Variants in BBOX1 observed in about 807,000 individuals in gnomAD.
The protein encoded by BBOX1 is gamma-butyrobetaine hydroxylase 1, also known as gamma-butyrobetaine dioxygenase.
In BBOX1, 35 loss-of-function variants were observed where a neutral mutation model predicts 41.6. The observed-to-expected ratio is 0.84, with a 90% CI of 0.64 to 1.11. BBOX1 has a LOEUF of 1.11. Among genes scored for constraint, BBOX1 ranks in the 50% most tolerant of loss-of-function variants. The pLI is 0.00. For missense variants in BBOX1, 458 were observed against 460.6 expected (o/e 0.99, Z 0.05); for synonymous variants, 163 against 154.7 (o/e 1.05, Z -0.40).
chr11:27,093,956 A>T (rs550113700), intron 5 of BBOX1, among the ~76,000 whole-genome samples: 21 of 151,992 alleles, frequency 1.4e-4, no homozygotes, highest in Non-Finnish European at 3.1e-4. Context: ...GGTGAGATGA[A>T]AGACTGTGTT....
At chr11:27,065,883 G>A (rs984882711) in intron 4 of BBOX1, among the ~76,000 whole-genome samples, 4 of 152,036 alleles carry the variant, frequency 2.6e-5, no homozygotes, top group African/African-American at 9.7e-5. Flanking sequence ...CAATGTTAGT[G>A]CTAGACGGGA....
chr11:27,050,921 G>C (rs77348578), intron 2 of BBOX1, among the ~76,000 whole-genome samples: 3,168 of 152,122 alleles, frequency 0.021, 111 homozygotes, highest in African/African-American at 0.072. Flanking sequence ...CCCAATCTTA[G>C]AGGAAAAGCT....
intron 4 of BBOX1, among the ~76,000 whole-genome samples, chr11:27,070,270 G>A (rs982205624): frequency 2.0e-5 from 3 of 152,052 alleles, no homozygotes; most frequent in African/African-American, 7.2e-5. Context: ...TAAATATCAG[G>A]TCCATTTGTT....
intron 4 of BBOX1, among the ~76,000 whole-genome samples, chr11:27,070,036 A>G (rs987231752): frequency 1.3e-5 from 2 of 152,164 alleles, no homozygotes; most frequent in East Asian, 1.9e-4. Context: ...AAATCATTTA[A>G]GAGAAGATTG....
chr11:27,116,228 A>G (rs1269070038), intron 6 of BBOX1, among the ~76,000 whole-genome samples: 1 of 151,960 alleles, frequency 6.6e-6, no homozygotes, highest in Non-Finnish European at 1.5e-5. Context: ...GGAACAGAAA[A>G]TCAAACACCG....
At chr11:27,046,958 T>G (rs1201558407) in intron 2 of BBOX1, among the ~76,000 whole-genome samples, 1 of 152,064 alleles carries the variant, frequency 6.6e-6, no homozygotes, top group Non-Finnish European at 1.5e-5. Context: ...CCAGTAGACC[T>G]TTAAATAATC....
Position 27,055,665 on chromosome 11 carries a change from T to C in BBOX1, c.219+16T>C, listed in dbSNP as rs1283570333. On this transcript the variant is annotated intron_variant, in intron 3 of 8. Coordinates refer to ENST00000263182, the MANE Select transcript of BBOX1 (RefSeq NM_003986.3). The stretch of plus-strand genomic sequence containing the variant: ...CAGAAAAAAGGTAATTATCTCTAAA[T>C]TATGTCTCCCTTCTTTCTCAAGTTC... 6.3e-7 allele frequency: 1 copy of C among 1,591,146 alleles called. No homozygotes were observed. The highest frequency in any genetic ancestry group is 8.6e-7 in the Non-Finnish European group (1 of 1,160,500).
At chr11:27,104,527 T>C (rs1858788525) in intron 5 of BBOX1, among the ~76,000 whole-genome samples, 1 of 152,192 alleles carries the variant, frequency 6.6e-6, no homozygotes, top group Non-Finnish European at 1.5e-5. Context: ...CATTTAAACC[T>C]CTCTCTTTAC....
intron 5 of BBOX1, among the ~76,000 whole-genome samples, chr11:27,103,900 G>A (rs147047564): frequency 6.6e-5 from 10 of 152,000 alleles, no homozygotes; most frequent in Middle Eastern, 3.4e-3. Context: ...CGTTAAACTT[G>A]TTTTCCTTAA....
At chr11:27,089,497 A>C (rs1306407993) in intron 4 of BBOX1, among the ~76,000 whole-genome samples, 4 of 152,202 alleles carry the variant, frequency 2.6e-5, no homozygotes, top group African/African-American at 9.6e-5. Context: ...ACAATACCTA[A>C]TTCCATACAA....
At chr11:27,067,081 A>C (rs1857310644) in intron 4 of BBOX1, among the ~76,000 whole-genome samples, 1 of 152,180 alleles carries the variant, frequency 6.6e-6, no homozygotes, top group African/African-American at 2.4e-5. Context: ...CAAGCAGTGC[A>C]ATGTTGGGTG....
At chr11:27,106,355 CAG>C (rs1183104088) in intron 5 of BBOX1, among the ~76,000 whole-genome samples, 3 of 151,752 alleles carry the variant, frequency 2.0e-5, no homozygotes, top group African/African-American at 7.3e-5. Flanking sequence ...ATCTCATGTG[CAG>C]AGACACAAAT....
At chr11:27,043,791 G>C (rs899436899) in intron 2 of BBOX1, among the ~76,000 whole-genome samples, 7 of 152,096 alleles carry the variant, frequency 4.6e-5, no homozygotes, top group Non-Finnish European at 8.8e-5. Flanking sequence ...TTTTATGGCT[G>C]CATAGTATTC....
intron 4 of BBOX1, among the ~76,000 whole-genome samples, chr11:27,060,932 A>G (rs1857116013): frequency 6.6e-6 from 1 of 152,184 alleles, no homozygotes; most frequent in Non-Finnish European, 1.5e-5. Context: ...GTGCATTGCT[A>G]AATTCTTCAA....
intron 2 of BBOX1, among the ~76,000 whole-genome samples, chr11:27,043,051 T>TTTTTTA (rs1328599220): frequency 2.6e-5 from 4 of 152,034 alleles, no homozygotes; most frequent in Non-Finnish European, 5.9e-5. Flanking sequence ...TAGCTACTAA[T>TTTTTTA]TTTTTATTTT....
intron 5 of BBOX1, among the ~76,000 whole-genome samples, chr11:27,097,865 G>A (rs1858498354): frequency 6.6e-6 from 1 of 151,958 alleles, no homozygotes. Flanking sequence ...AAATAGGTGT[G>A]GCAAAATAAT....
intron 6 of BBOX1, among the ~76,000 whole-genome samples, chr11:27,119,034 T>C (rs1343123856): frequency 6.6e-6 from 1 of 151,998 alleles, no homozygotes; most frequent in Non-Finnish European, 1.5e-5. Context: ...ATTCCCTCTA[T>C]GCACAAATAC....
At chr11:27,070,109 T>C (rs4923419) in intron 4 of BBOX1, among the ~76,000 whole-genome samples, 87,172 of 152,036 alleles carry the variant, frequency 0.57, 26,020 homozygotes, top group South Asian at 0.73. Context: ...CCAGTTTTAT[T>C]CCACTGTGTT....
At chr11:27,061,252 A>T (rs373072544) in intron 4 of BBOX1, among the ~76,000 whole-genome samples, 8 of 152,158 alleles carry the variant, frequency 5.3e-5, no homozygotes, top group Non-Finnish European at 1.2e-4. Context: ...ATTTTTCAGT[A>T]CTATCGGGCA....
Sources: gnomAD v4.1 joint callset for allele counts (sites outside exome capture counted in the v4.1 genomes callset) on GRCh38, gnomAD v4.1.1 for gene constraint, MANE v1.5 for transcripts, NCBI Gene and HGNC (gene_info 2026-07-23, HGNC 2026-07-21) for gene names.